Variants in CHD4 observed in about 807,000 individuals in gnomAD.
CHD4 encodes ATP-dependent chromatin remodeler CHD4.
CHD4 carries 35 observed loss-of-function variants against 235.5 expected under a neutral mutation model. The observed-to-expected ratio is 0.15, with a 90% CI of 0.11 to 0.20. CHD4 has a LOEUF of 0.20. Ranked by LOEUF, CHD4 falls within the 10% of genes least tolerant of loss-of-function variation. CHD4 has a pLI of 1.00. For synonymous variants in CHD4, 900 were observed against 850.2 expected, an observed-to-expected ratio of 1.06 and a Z score of -1.02; for missense variants, 1,329 against 2,432.3, an observed-to-expected ratio of 0.55 and a Z score of 9.54.
rs935249401 is a variant in CHD4 at position 6,582,295 on chromosome 12, T to C, written c.4371-14A>G. 1 of 1,546,764 alleles carries C rather than the reference T, an allele frequency of 6.5e-7. No homozygotes were observed. The highest frequency in any genetic ancestry group is 1.4e-5 in the African/African-American group (1 of 71,766). ...GAGACATATGCCCTGTGTAAAGAAGTAGAGAAAGAGTTAAATAGGGATCAT... is the reference window on the plus strand; with the variant it reads ...GAGACATATGCCCTGTGTAAAGAAGCAGAGAAAGAGTTAAATAGGGATCAT... On this transcript the variant is annotated splice_polypyrimidine_tract_variant and intron_variant, in intron 29 of 39. Transcript: ENST00000544040.
rs1206333238 is a variant in CHD4 at position 6,581,634 on chromosome 12, G to A, written c.4681+15C>T. 6.2e-7 allele frequency: 1 copy of A among 1,614,018 alleles called. No homozygotes were observed. Among genetic ancestry groups the A allele is most frequent in the Non-Finnish European group, 8.5e-7 (1 of 1,179,920 alleles). ...AAAAGAGAGGGACAGAAAATGATAG[G>A]ACAGGCAGACTTACCAGCAGGTGGG... On this transcript the variant is annotated intron_variant, in intron 31 of 39. Transcript: ENST00000544040.
intron 9 of CHD4, 38 bp from the exon 10 acceptor site, chr12:6,600,050 A>G (rs753226553): frequency 1.3e-5 from 17 of 1,323,064 alleles, no homozygotes; most frequent in Non-Finnish European, 1.7e-5. Flanking sequence ...TATTACCCCC[A>G]CCCGCCCACC....
chr12:6,580,704 G>GAAGAAAAAAAAAA (rs1948166345), intron 33 of CHD4: 1 of 43,314 alleles, frequency 2.3e-5, no homozygotes, highest in Admixed American at 2.7e-4. Flanking sequence ...AAACTCCTTT[G>GAAGAAAAAAAAAA]AAAAAAAAAA....
rs1437274383 is a variant in CHD4, at chr12:6,600,940, G to A, written c.913C>T (p.Arg305Cys). 2.5e-6 allele frequency: 4 copies of A among 1,595,558 alleles called. No homozygotes were observed. The highest frequency in any genetic ancestry group is 2.6e-6 in the Non-Finnish European group (3 of 1,173,188). ...KIKLGGFGSK[R>C]KRSSSEDDDL... The stretch of plus-strand genomic sequence containing the variant: ...TGGGCTCTCACCGAGGATCTCTTAC[G>A]CTTGGAACCAAAACCTCCCAGCTTG... Residue 305 changes from arginine to cysteine, a missense_variant, in exon 7 of 40, where the codon CGT becomes TGT. By Grantham distance (180) the Arg-to-Cys change is radical. Coordinates refer to ENST00000544040, the MANE Select transcript of CHD4 (RefSeq NM_001273.5).
intron 12 of CHD4, among the ~76,000 whole-genome samples, chr12:6,596,364 T>C (rs1948495070): frequency 6.6e-6 from 1 of 151,936 alleles, no homozygotes; most frequent in Non-Finnish European, 1.5e-5. Context: ...TAACATAGAG[T>C]GTTGGCCGGG....
At chr12:6,600,505 C>T (rs750603925) in intron 8 of CHD4, 29 bp downstream of exon 8, 2 of 1,612,962 alleles carry the variant, frequency 1.2e-6, no homozygotes, top group African/African-American at 1.3e-5. Flanking sequence ...CACCTCATCC[C>T]ATCACAAATA....
At chr12:6,575,190 G>A (rs564295811) in intron 37 of CHD4, among the ~76,000 whole-genome samples, 1 of 152,270 alleles carries the variant, frequency 6.6e-6, no homozygotes, top group African/African-American at 2.4e-5. Flanking sequence ...GCTCACACTT[G>A]TAATCCCAGC....
rs1947948733 is a variant in CHD4 at position 6,570,643 on chromosome 12, G to T, written c.*33C>A. On this transcript the variant is annotated 3_prime_UTR_variant, in exon 40 of 40. Coordinates refer to ENST00000544040, the MANE Select transcript of CHD4 (RefSeq NM_001273.5). The stretch of plus-strand genomic sequence containing the variant: ...ACAAGAGAAAGTGAGGAAGGTCACT[G>T]CTCAGCGGTGGAGGTGGTATCAGTC... 4 of 1,614,000 alleles carry T rather than the reference G, an allele frequency of 2.5e-6. No homozygotes were observed. Among genetic ancestry groups the T allele is most frequent in the Non-Finnish European group, 2.5e-6 (3 of 1,179,872 alleles).
chr12:6,604,235 C>A (rs771520211), intron 2 of CHD4, among the ~76,000 whole-genome samples: 1 of 152,126 alleles, frequency 6.6e-6, no homozygotes, highest in African/African-American at 2.4e-5. Flanking sequence ...AGATCGCACA[C>A]TGCACTCCAA....
chr12:6,595,433 AAAG>A lies in CHD4; in HGVS notation c.2025-6_2025-4del. 1 of 1,613,004 alleles carries A rather than the reference AAAG, an allele frequency of 6.2e-7. No individual in the cohort carries two copies. The highest frequency in any genetic ancestry group is 1.3e-5 in the African/African-American group (1 of 74,958). ...CTTCCTCACCCCTCATTAACTCCCT[AAAG>A]AAGAAAGACATCACACAGCTGCCCA... On this transcript the variant is annotated splice_polypyrimidine_tract_variant and splice_region_variant and intron_variant, in intron 13 of 39. Coordinates refer to ENST00000544040, the MANE Select transcript of CHD4 (RefSeq NM_001273.5).
Position 6,601,680 on chromosome 12 carries a change from G to A in CHD4, c.525C>T (p.Leu175=). 6.2e-7 allele frequency: 1 copy of A among 1,614,224 alleles called. No homozygotes were observed. Among genetic ancestry groups the A allele is most frequent in the Non-Finnish European group, 8.5e-7 (1 of 1,180,040 alleles). Residue 175 remains leucine, a synonymous_variant, in exon 5 of 40, where the codon CTC becomes CTT. Coordinates refer to ENST00000544040, the MANE Select transcript of CHD4 (RefSeq NM_001273.5). The part of the protein sequence containing the change: ...HVFSEEDYRT[L]TNYKAFSQFV... ...ACTGGCTGAAGGCCTTGTAGTTGGT[G>A]AGGGTTCGATAATCCTCCTCTGAGA...
In CHD4 at chr12:6,581,162, G is replaced by A; in HGVS notation, c.4791C>T (p.Ala1597=). The change falls in exon 33 of 40, where the codon GCC becomes GCT. Residue 1597 remains alanine, a synonymous_variant. Coordinates refer to ENST00000544040, the MANE Select transcript of CHD4 (RefSeq NM_001273.5). ...TTTCATCCTCTGAGGCAGGGGCAGG[G>A]GCCTGTGTACACTTCAAAGGAAAAA... ...APETAIECTQ[A]PAPASEDEKV... 1 of 1,614,000 alleles carries A rather than the reference G, an allele frequency of 6.2e-7. No homozygotes were observed. The highest frequency in any genetic ancestry group is 8.5e-7 in the Non-Finnish European group (1 of 1,180,002).
At chr12:6,574,497 TTTAA>T (rs1334986244) in intron 37 of CHD4, among the ~76,000 whole-genome samples, 1 of 152,224 alleles carries the variant, frequency 6.6e-6, no homozygotes, top group African/African-American at 2.4e-5. Context: ...ATGAAAAGAT[TTTAA>T]TTACTTAAAA....
In CHD4 at chr12:6,592,000, A is replaced by G; in HGVS notation, c.3006T>C (p.Gly1002=). The G allele has an allele frequency of 6.2e-7, 1 of 1,614,226 alleles. No individual in the cohort carries two copies. The highest frequency in any genetic ancestry group is 8.5e-7 in the Non-Finnish European group (1 of 1,180,046). ...RNFEALNARG[G]GNQVSLLNVV... ...CATTCAGCAGAGACACCTGGTTGCCACCACCTCGGGCATTGAGTGCTTCAA... is the reference window on the plus strand; with the variant it reads ...CATTCAGCAGAGACACCTGGTTGCCGCCACCTCGGGCATTGAGTGCTTCAA... Residue 1002 remains glycine (G), a synonymous_variant, in exon 20 of 40, where the codon GGT becomes GGC. Coordinates refer to ENST00000544040, the MANE Select transcript of CHD4 (RefSeq NM_001273.5).
intron 10 of CHD4, among the ~76,000 whole-genome samples, chr12:6,598,913 A>C (rs1283189250): frequency 6.6e-6 from 1 of 152,214 alleles, no homozygotes; most frequent in Non-Finnish European, 1.5e-5. Flanking sequence ...TTGGGACCAG[A>C]AGTATTTTGG....
rs144661331 is a variant in CHD4, at chr12:6,605,812, A to G, written c.100+462T>C. ...ACCGGTAACCGATCAGAAGCTAAAA[A>G]TAATCAGATAGAGTGTAACCAGCAC... On this transcript the variant is annotated intron_variant, in intron 2 of 39. Transcript: ENST00000544040. Among the ~76,000 whole-genome samples, 775 of 152,330 alleles carry G rather than the reference A, an allele frequency of 5.1e-3. 3 individuals carry two copies. Among genetic ancestry groups the G allele is most frequent in the Non-Finnish European group, 8.4e-3 (572 of 68,020 alleles).
chr12:6,579,222 G>A, intron 33 of CHD4: 1 of 366,620 alleles, frequency 2.7e-6, no homozygotes, highest in Non-Finnish European at 5.1e-6. Flanking sequence ...GGCCAAGGTG[G>A]GTGGATCACC....
chr12:6,600,098 T>C (rs1592281140), intron 9 of CHD4, 86 bp from the exon 10 acceptor site: 4 of 1,572,316 alleles, frequency 2.5e-6, no homozygotes, highest in East Asian at 2.3e-5. Context: ...CTTTGAATGC[T>C]TCCCAAAGCT....
At chr12:6,605,453 C>G (rs1948676087) in intron 2 of CHD4, among the ~76,000 whole-genome samples, 1 of 152,098 alleles carries the variant, frequency 6.6e-6, no homozygotes. Flanking sequence ...GTGGTTACAA[C>G]CATACGGGTT....
Sources: gnomAD v4.1 joint callset for allele counts (sites outside exome capture counted in the v4.1 genomes callset) on GRCh38, gnomAD v4.1.1 for gene constraint, MANE v1.5 for transcripts, NCBI Gene and HGNC (gene_info 2026-07-23, HGNC 2026-07-21) for gene names.